DAB1: variants seen among roughly 807,000 people sequenced by gnomAD.
DAB1 encodes the protein disabled homolog 1.
DAB1 carries 15 observed loss-of-function variants against 64.6 expected under a neutral mutation model. The ratio of observed to expected loss-of-function variants is 0.23; its 90% confidence interval spans 0.16 to 0.36. The LOEUF (loss-of-function observed/expected upper bound fraction) is 0.36, where lower values mean the gene tolerates loss of function less well. Among genes scored for constraint, DAB1 ranks in the 10% least tolerant of loss-of-function variants. DAB1 has a pLI of 1.00. For synonymous variants in DAB1, 235 were observed against 251.9 expected, an observed-to-expected ratio of 0.93 and a Z score of 0.64; for missense variants, 596 against 706.7, an observed-to-expected ratio of 0.84 and a Z score of 1.78.
intron 3 of DAB1, among the ~76,000 whole-genome samples, chr1:58,485,400 T>C (rs1327539567): frequency 2.6e-5 from 4 of 151,984 alleles, no homozygotes; most frequent in Admixed American, 2.0e-4. Context: ...ACTTTGGAGA[T>C]GTCTGAGCTA....
intron 2 of DAB1, among the ~76,000 whole-genome samples, chr1:57,236,334 G>A (rs191753881): frequency 3.9e-5 from 6 of 152,282 alleles, no homozygotes; most frequent in African/African-American, 1.4e-4. Context: ...CAGTTGAGTA[G>A]GGGAAGAAAC....
chr1:57,697,023 C>G (rs12032875), intron 6 of DAB1, among the ~76,000 whole-genome samples: 5 of 152,146 alleles, frequency 3.3e-5, no homozygotes, highest in African/African-American at 1.2e-4. Flanking sequence ...TCTGTGAAAT[C>G]TAACTGCACT....
intron 6 of DAB1, among the ~76,000 whole-genome samples, chr1:57,695,365 A>AAGGAAGGAAAG (rs1557427773): frequency 2.7e-5 from 1 of 36,912 alleles, no homozygotes; most frequent in African/African-American, 1.8e-4. Flanking sequence ...AAGAAAGAAG[A>AAGGAAGGAAAG]AAGAAAGAAA....
intron 2 of DAB1, among the ~76,000 whole-genome samples, chr1:58,526,133 T>C (rs1296728438): frequency 1.3e-5 from 2 of 152,182 alleles, no homozygotes; most frequent in East Asian, 3.9e-4. Context: ...ACACTTAACA[T>C]ATAGGGAAAA....
At chr1:57,392,442 C>T (rs1682460419) in intron 1 of DAB1, among the ~76,000 whole-genome samples, 1 of 152,156 alleles carries the variant, frequency 6.6e-6, no homozygotes, top group African/African-American at 2.4e-5. Flanking sequence ...TAGTTTTCTT[C>T]CTGCATTCAA....
chr1:57,707,022 C>T (rs1345037175), intron 6 of DAB1, among the ~76,000 whole-genome samples: 1 of 151,948 alleles, frequency 6.6e-6, no homozygotes, highest in Non-Finnish European at 1.5e-5. Context: ...TGCAGTGAGC[C>T]GAGATCATGC....
chr1:57,321,636 A>G (rs1479832654), intron 1 of DAB1, among the ~76,000 whole-genome samples: 1 of 152,232 alleles, frequency 6.6e-6, no homozygotes, highest in Non-Finnish European at 1.5e-5. Flanking sequence ...TTAAAAGATT[A>G]TGGGTTTTGA....
intron 4 of DAB1, among the ~76,000 whole-genome samples, chr1:58,162,373 C>T (rs950108199): frequency 6.6e-6 from 1 of 152,060 alleles, no homozygotes; most frequent in African/African-American, 2.4e-5. Context: ...CCTTCTGTTA[C>T]TCATTTCCTC....
At chr1:57,822,284 GAAGTGTTTCTTCTATCCA>G (rs2101896345), downstream of DAB1, among the ~76,000 whole-genome samples, 1 of 152,252 alleles carries the variant, frequency 6.6e-6, no homozygotes, top group Non-Finnish European at 1.5e-5. Flanking sequence ...TTCCAAGTAA[GAAGTGTTTCTTCTATCCA>G]AAGGGAGTGC....
rs533435726 is a variant in DAB1 at position 57,439,676 on chromosome 1, C to T, written n.626-148510G>A. Among the ~76,000 whole-genome samples, 17 of 149,090 alleles carry T rather than the reference C, an allele frequency of 1.1e-4. No homozygotes were observed. In the East Asian group the frequency reaches 1.4e-3, roughly 12 times the overall value. Reference sequence around the variant, plus strand: ...TCTTCTGACCTCATGATCTGCCTGCCTCGGCCTCCCAAAGTGCTGGGATTA... The same window carrying T: ...TCTTCTGACCTCATGATCTGCCTGCTTCGGCCTCCCAAAGTGCTGGGATTA... On this transcript the variant is annotated intron_variant and non_coding_transcript_variant, in intron 7 of 20. Coordinates refer to the DAB1 transcript ENST00000485760.
intron 7 of DAB1, among the ~76,000 whole-genome samples, chr1:57,488,265 G>C (rs554707956): frequency 6.6e-6 from 1 of 152,074 alleles, no homozygotes; most frequent in Non-Finnish European, 1.5e-5. Flanking sequence ...TAGCCGGCAT[G>C]GTGGCAGGCA....
rs552945804 is a variant in DAB1 at position 57,057,822 on chromosome 1, A to C, written c.723+5062T>G. Among the ~76,000 whole-genome samples, 11 of 151,846 alleles carry C rather than the reference A, an allele frequency of 7.2e-5. No individual in the cohort carries two copies. In the East Asian group the frequency reaches 1.6e-3, roughly 21 times the overall value. ...ACGGGGTTTCACTGTATTAGCCAGGATGGTCTCGATCTCCTGACCTCCTGA... is the reference window on the plus strand; with the variant it reads ...ACGGGGTTTCACTGTATTAGCCAGGCTGGTCTCGATCTCCTGACCTCCTGA... On this transcript the variant is annotated intron_variant, in intron 9 of 14. Transcript: ENST00000371236.
intron 5 of DAB1, among the ~76,000 whole-genome samples, chr1:57,998,782 C>T (rs2100397641): frequency 6.6e-6 from 1 of 152,350 alleles, no homozygotes; most frequent in African/African-American, 2.4e-5. Flanking sequence ...AAAGTCCTTT[C>T]AGCTAGGGAG....
Position 57,534,099 on chromosome 1 carries a change from T to C in DAB1, n.625+115493A>G, listed in dbSNP as rs114506057. Among the ~76,000 whole-genome samples the C allele has an allele frequency of 4.3e-3, 662 of 152,234 alleles. 5 individuals carry two copies. Among genetic ancestry groups the C allele is most frequent in the African/African-American group, 0.015 (629 of 41,552 alleles). ...TCTCTCTGTCTTCATGGTCAAACCA[T>C]TCATTCTGCAATAATGTCCAGATTT... On this transcript the variant is annotated intron_variant and non_coding_transcript_variant, in intron 7 of 20. Coordinates refer to the DAB1 transcript ENST00000485760.
At position 57,114,127 on chromosome 1, in the gene DAB1, A is replaced by G. The variant is rs549034890; in HGVS notation, c.306+22416T>C. ...AATGTAGAACTGGGGATCACTCACT[A>G]TGTTCTCATCTGCATCCCCAGCCAA... On this transcript the variant is annotated intron_variant, in intron 4 of 14. Transcript: ENST00000371236. Among the ~76,000 whole-genome samples the G allele has an allele frequency of 7.9e-5, 12 of 152,266 alleles. No individual in the cohort carries two copies. In the East Asian group the frequency reaches 2.1e-3, roughly 27 times the overall value.
chr1:58,139,163 C>A (rs1488698005), intron 5 of DAB1, among the ~76,000 whole-genome samples: 1 of 152,138 alleles, frequency 6.6e-6, no homozygotes, highest in Non-Finnish European at 1.5e-5. Flanking sequence ...CCACCCCGCA[C>A]ATCACCTTCA....
chr1:58,498,516 T>C lies in DAB1; in HGVS notation n.257+7544A>G, dbSNP rs17117589. 7.6e-3 allele frequency among the ~76,000 whole-genome samples: 1,151 copies of C among 152,242 alleles called. 7 individuals are homozygous for C. Among genetic ancestry groups the C allele is most frequent in the African/African-American group, 0.02 (813 of 41,552 alleles). ...CCTAATCCAAAGACTCACTATGCAA[T>C]AGATTTAACAGAAATTAGAGAGAAT... On this transcript the variant is annotated intron_variant and non_coding_transcript_variant, in intron 3 of 20. Transcript: ENST00000485760.
intron 2 of DAB1, among the ~76,000 whole-genome samples, chr1:58,523,458 T>C (rs1212738900): frequency 6.6e-6 from 1 of 152,206 alleles, no homozygotes; most frequent in African/African-American, 2.4e-5. Context: ...AAGTACCCTG[T>C]TGTACTGAGC....
intron 7 of DAB1, among the ~76,000 whole-genome samples, chr1:57,485,723 C>T (rs182181370): frequency 7.9e-4 from 120 of 152,290 alleles, no homozygotes; most frequent in African/African-American, 2.7e-3. Flanking sequence ...CAGTGAGTGT[C>T]GGTAGGGTAA....
Sources: allele counts gnomAD v4.1 joint callset (sites outside exome capture counted in the v4.1 genomes callset), GRCh38; gene constraint gnomAD v4.1.1; transcripts MANE v1.5; gene names NCBI Gene and HGNC (gene_info 2026-07-23, HGNC 2026-07-21).